The following DZANK1 variants were observed in gnomAD, a reference collection of about 807,000 sequenced individuals.
The protein encoded by DZANK1 is double zinc ribbon and ankyrin repeat-containing protein 1.
DZANK1 carries 91 observed loss-of-function variants against 94.5 expected under a neutral mutation model. The observed-to-expected ratio is 0.96, with a 90% CI of 0.81 to 1.15. The LOEUF is 1.15. Ranked by LOEUF, DZANK1 falls within the 50% of genes most tolerant of loss-of-function variation. The pLI, the probability that DZANK1 is intolerant of heterozygous loss-of-function variation, is 0.00. For missense variants in DZANK1, 903 were observed against 916.4 expected, an observed-to-expected ratio of 0.99 and a Z score of 0.19; for synonymous variants, 312 against 325.3, an observed-to-expected ratio of 0.96 and a Z score of 0.44.
At chr20:18,458,594 T>C (rs919981072) in intron 3 of DZANK1, among the ~76,000 whole-genome samples, 2 of 152,258 alleles carry the variant, frequency 1.3e-5, no homozygotes, top group African/African-American at 4.8e-5. Flanking sequence ...CTTAACTTAT[T>C]CGCCTCAGCA....
At chr20:18,454,917 AGACCAG>A (rs2059230356) in intron 4 of DZANK1, among the ~76,000 whole-genome samples, 1 of 152,250 alleles carries the variant, frequency 6.6e-6, no homozygotes, top group African/African-American at 2.4e-5. Context: ...GGGGGTTGAC[AGACCAG>A]GAAAAGCTGA....
chr20:18,426,981 C>A (rs1330245241), intron 10 of DZANK1, 86 bp downstream of exon 10: 6 of 999,446 alleles, frequency 6.0e-6, no homozygotes, highest in Non-Finnish European at 8.5e-6. Flanking sequence ...TCTCCCCAAC[C>A]CCCTCGGCAG....
chr20:18,408,026 T>C lies in DZANK1; in HGVS notation c.1432+4620A>G, dbSNP rs140826325. 5.7e-3 allele frequency among the ~76,000 whole-genome samples: 867 copies of C among 152,266 alleles called. 12 individuals are homozygous for C. Among genetic ancestry groups the C allele is most frequent in the African/African-American group, 0.02 (825 of 41,568 alleles). ...GGAGTAGAAAGTTTCTTCAAAGGGA[T>C]AGTATCAGGCCAGATGCGGTGGCTC... On this transcript the variant is annotated intron_variant, in intron 13 of 20. Coordinates refer to ENST00000262547, the Ensembl canonical transcript of DZANK1.
intron 13 of DZANK1, among the ~76,000 whole-genome samples, chr20:18,404,206 C>A (rs2056838861): frequency 6.6e-6 from 1 of 151,968 alleles, no homozygotes; most frequent in African/African-American, 2.4e-5. Flanking sequence ...TAGTGCGGCC[C>A]AGGGAAACCA....
At chr20:18,440,538 A>G (rs532199815) in intron 8 of DZANK1, among the ~76,000 whole-genome samples, 12 of 152,296 alleles carry the variant, frequency 7.9e-5, no homozygotes, top group Non-Finnish European at 1.3e-4. Flanking sequence ...TTCCTCCTGG[A>G]TCACAGCATG....
At chr20:18,448,191 T>A (rs1289087341) in intron 7 of DZANK1, among the ~76,000 whole-genome samples, 1 of 152,208 alleles carries the variant, frequency 6.6e-6, no homozygotes, top group Non-Finnish European at 1.5e-5. Flanking sequence ...TACAATGGAC[T>A]GTAGTTCAAC....
At chr20:18,407,781 T>G (rs1312784037) in intron 13 of DZANK1, among the ~76,000 whole-genome samples, 2 of 152,158 alleles carry the variant, frequency 1.3e-5, no homozygotes, top group Non-Finnish European at 2.9e-5. Flanking sequence ...AGAACTGACA[T>G]GCTAAAATAT....
intron 14 of DZANK1, 65 bp from the exon 15 acceptor site, chr20:18,396,611 G>T: frequency 8.6e-7 from 1 of 1,156,736 alleles, no homozygotes; most frequent in Non-Finnish European, 1.2e-6. Context: ...TTAAGTAACA[G>T]TGTACAAATT....
chr20:18,465,823 A>G (rs1454776125), intron 1 of DZANK1, among the ~76,000 whole-genome samples: 1 of 152,166 alleles, frequency 6.6e-6, no homozygotes, highest in African/African-American at 2.4e-5. Flanking sequence ...TGTTAGTTAG[A>G]GCTAACTTTT....
At chr20:18,433,708 C>G (rs1282111593) in exon 9 of DZANK1, 2 of 1,613,934 alleles carry the variant, frequency 1.2e-6, no homozygotes, top group Non-Finnish European at 1.7e-6. Context: ...GCCTCACACA[C>G]CACACAGATG....
chr20:18,435,606 C>T (rs1601015280), intron 8 of DZANK1, among the ~76,000 whole-genome samples: 1 of 151,654 alleles, frequency 6.6e-6, no homozygotes, highest in Non-Finnish European at 1.5e-5. Context: ...GGGTGGGGGG[C>T]AAGAGGAGGA....
At chr20:18,424,430 G>C (rs998467557) in intron 10 of DZANK1, among the ~76,000 whole-genome samples, 1 of 151,138 alleles carries the variant, frequency 6.6e-6, no homozygotes, top group Non-Finnish European at 1.5e-5. Flanking sequence ...ACTCCAGCCT[G>C]GGCGACAGAG....
At chr20:18,391,686 G>T (rs1041442560) in intron 17 of DZANK1, among the ~76,000 whole-genome samples, 2 of 152,336 alleles carry the variant, frequency 1.3e-5, no homozygotes, top group African/African-American at 4.8e-5. Context: ...TGGCTGTGGG[G>T]TGGTCACAGG....
intron 13 of DZANK1, among the ~76,000 whole-genome samples, chr20:18,411,127 GAAGAAAGAA>G (rs2057236510): frequency 6.6e-6 from 1 of 152,054 alleles, no homozygotes; most frequent in South Asian, 2.1e-4. Context: ...CTTAAAGTAA[GAAGAAAGAA>G]GGAAATCATG....
At chr20:18,451,743 A>G in intron 6 of DZANK1, 1 of 421,446 alleles carries the variant, frequency 2.4e-6, no homozygotes, top group South Asian at 1.9e-5. Flanking sequence ...AAACCCTGAG[A>G]GGCAGACTTG....
intron 13 of DZANK1, among the ~76,000 whole-genome samples, chr20:18,401,698 T>C (rs1174017895): frequency 6.6e-6 from 1 of 152,232 alleles, no homozygotes; most frequent in Admixed American, 6.5e-5. Flanking sequence ...GGTTGGGTGC[T>C]GGCTCAGGTG....
chr20:18,406,975 G>A (rs1728777646), intron 13 of DZANK1, among the ~76,000 whole-genome samples: 1 of 152,142 alleles, frequency 6.6e-6, no homozygotes, highest in South Asian at 2.1e-4. Flanking sequence ...CTCTGCCTGT[G>A]GAAAGGGGAG....
intron 13 of DZANK1, among the ~76,000 whole-genome samples, chr20:18,405,602 C>T (rs922880150): frequency 6.6e-6 from 1 of 152,112 alleles, no homozygotes; most frequent in Admixed American, 6.5e-5. Context: ...TTTATACATC[C>T]AAGAAGCTCA....
At chr20:18,463,872 T>TAA (rs11087255) in intron 2 of DZANK1, among the ~76,000 whole-genome samples, 1 of 151,890 alleles carries the variant, frequency 6.6e-6, no homozygotes, top group East Asian at 1.9e-4. Flanking sequence ...TATAATTGGT[T>TAA]AAAAAAAGGC....
Sources: allele counts gnomAD v4.1 joint callset (sites outside exome capture counted in the v4.1 genomes callset), GRCh38; gene constraint gnomAD v4.1.1; transcripts MANE v1.5; gene names NCBI Gene and HGNC (gene_info 2026-07-23, HGNC 2026-07-21).